Variants in DHX9 observed in about 807,000 individuals in gnomAD.
DHX9 encodes the protein DExH-box helicase 9.
A neutral mutation model predicts 148.7 loss-of-function variants in DHX9; 27 were observed. The ratio of observed to expected loss-of-function variants is 0.18; its 90% confidence interval spans 0.13 to 0.25. DHX9 has a LOEUF of 0.25. Among genes scored for constraint, DHX9 ranks in the 10% least tolerant of loss-of-function variants. The pLI is 1.00. For synonymous variants in DHX9, 529 were observed against 516.6 expected, an observed-to-expected ratio of 1.02 and a Z score of -0.33; for missense variants, 796 against 1,559.6, an observed-to-expected ratio of 0.51 and a Z score of 8.25.
At chr1:182,869,703 G>A (rs569349719) in intron 14 of DHX9, among the ~76,000 whole-genome samples, 31 of 152,316 alleles carry the variant, frequency 2.0e-4, no homozygotes, top group Non-Finnish European at 3.8e-4. Context: ...CTCCGCCCCT[G>A]AGTTCAGGCG....
At chr1:182,861,699 A>C (rs946556014) in intron 12 of DHX9, among the ~76,000 whole-genome samples, 1 of 152,234 alleles carries the variant, frequency 6.6e-6, no homozygotes, top group Non-Finnish European at 1.5e-5. Context: ...GTCTTTTAAA[A>C]TGTTCAGTGG....
rs116476402 is a variant in DHX9 at position 182,887,029 on chromosome 1, G to A, written c.3462-54G>A. 1.2e-3 allele frequency: 1,883 copies of A among 1,526,916 alleles called. 15 individuals carry two copies. In the African/African-American group the frequency reaches 0.018, roughly 15 times the overall value. The allele number at this position is 1,526,916 out of a possible 1,614,324, so 94.6% of individuals were successfully genotyped here. ...ACTAAATGTGTACATTTGGTAAGTC[G>A]TTGGGAAATAATAAGAATGCTTTGC... On this transcript the variant is annotated intron_variant, in intron 27 of 27. Transcript: ENST00000367549.
At position 182,878,153 on chromosome 1, in the gene DHX9, C is replaced by T. The variant is rs755475120; in HGVS notation, c.2331C>T (p.Cys777=). The change falls in exon 20 of 28, where the codon TGC becomes TGT. Residue 777 remains cysteine (C), a synonymous_variant. Coordinates refer to ENST00000367549, the MANE Select transcript of DHX9 (RefSeq NM_001357.5). The part of the protein sequence containing the change: ...RVRPGFCFHL[C]SRARFERLET... The stretch of plus-strand genomic sequence containing the variant: ...GGCCTGGATTCTGCTTTCACCTGTG[C>T]AGCCGAGCTCGTTTTGAGAGGTAAG... The T allele has an allele frequency of 3.1e-6, 5 of 1,614,178 alleles. No homozygotes were observed. Among genetic ancestry groups the T allele is most frequent in the Non-Finnish European group, 4.2e-6 (5 of 1,180,032 alleles).
At position 182,853,984 on chromosome 1, in the gene DHX9, T is replaced by G. The variant is rs1434751038; in HGVS notation, c.478-46T>G. The G allele has an allele frequency of 3.8e-6, 6 of 1,578,890 alleles. No individual in the cohort carries two copies. In the South Asian group the frequency reaches 4.5e-5, roughly 12 times the overall value. On this transcript the variant is annotated intron_variant, in intron 5 of 27. Transcript: ENST00000367549. Reference sequence around the variant, plus strand: ...TAAAAATTTCTGTGCCTTGTTTGTATACCTAAACTTAACACAGCCAAATTT... The same window carrying G: ...TAAAAATTTCTGTGCCTTGTTTGTAGACCTAAACTTAACACAGCCAAATTT...
chr1:182,884,596 G>A lies in DHX9; in HGVS notation c.3261-17G>A. 6.2e-7 allele frequency: 1 copy of A among 1,611,236 alleles called. No individual in the cohort carries two copies. The highest frequency in any genetic ancestry group is 8.5e-7 in the Non-Finnish European group (1 of 1,178,192). ...ATATACTCCCTCTCTTATTTTTAAT[G>A]TATTTCGCCACTTTAGGATTAAACT... is the stretch of plus-strand genomic sequence containing the variant. On this transcript the variant is annotated splice_polypyrimidine_tract_variant and intron_variant, in intron 26 of 27. Transcript: ENST00000367549.
At chr1:182,851,160 A>G (rs534573436) in intron 3 of DHX9, among the ~76,000 whole-genome samples, 1 of 152,346 alleles carries the variant, frequency 6.6e-6, no homozygotes, top group South Asian at 2.1e-4. Flanking sequence ...ACTATCCTTC[A>G]AGGTATAAGC....
chr1:182,872,361 C>T lies in DHX9; in HGVS notation c.1582C>T (p.Arg528Cys), dbSNP rs754675901. The T allele has an allele frequency of 2.5e-6, 4 of 1,612,504 alleles. No homozygotes were observed. Among genetic ancestry groups the T allele is most frequent in the East Asian group, 2.2e-5 (1 of 44,828 alleles). Residue 528 changes from arginine to cysteine, a missense_variant, in exon 15 of 28, where the codon CGT (arginine) becomes TGT (cysteine). Physicochemically the swap from Arg to Cys is radical, Grantham distance 180. Transcript: ENST00000367549. Reference sequence around the variant, plus strand: ...GACTGACTTCCTTTTGGTAGTACTGCGTGATGTTGTTCAGGCTTATCCTGA... The same window carrying T: ...GACTGACTTCCTTTTGGTAGTACTGTGTGATGTTGTTCAGGCTTATCCTGA... ...INTDFLLVVLRDVVQAYPEVR... is the reference protein window; with the variant it reads ...INTDFLLVVLCDVVQAYPEVR...
chr1:182,886,196 T>C (rs538917695), intron 27 of DHX9, among the ~76,000 whole-genome samples: 50 of 151,804 alleles, frequency 3.3e-4, no homozygotes, highest in Non-Finnish European at 4.6e-4. Flanking sequence ...TTTATTTATT[T>C]ATTTATTTAT....
chr1:182,872,592 A>ATTG, intron 15 of DHX9, 99 bp downstream of exon 15: 1 of 1,288,700 alleles, frequency 7.8e-7, no homozygotes, highest in Non-Finnish European at 1.1e-6. Flanking sequence ...AATACTTAAA[A>ATTG]TACAGGACAA....
chr1:182,866,032 G>C (rs1648279644), intron 12 of DHX9, among the ~76,000 whole-genome samples: 1 of 152,200 alleles, frequency 6.6e-6, no homozygotes, highest in African/African-American at 2.4e-5. Flanking sequence ...GAATTAATAA[G>C]TGAGCAGAAA....
At position 182,876,442 on chromosome 1, in the gene DHX9, T is replaced by C. The variant is rs369948914; in HGVS notation, c.2030-5T>C. On this transcript the variant is annotated splice_polypyrimidine_tract_variant and splice_region_variant and intron_variant, in intron 17 of 27. Coordinates refer to ENST00000367549, the MANE Select transcript of DHX9 (RefSeq NM_001357.5). ...AGTCCCTGATTGTTCTTTATTGTTA[T>C]ATAGGAAGCCATCGGTATCAGATTC... 10 of 1,612,524 alleles carry C rather than the reference T, an allele frequency of 6.2e-6. No homozygotes were observed. Among genetic ancestry groups the C allele is most frequent in the Admixed American group, 3.3e-5 (2 of 59,988 alleles).
chr1:182,843,541 G>A (rs781615389), intron 3 of DHX9, 107 bp downstream of exon 3: 5 of 1,156,608 alleles, frequency 4.3e-6, no homozygotes, highest in South Asian at 2.1e-5. Flanking sequence ...CAGATATATC[G>A]TGTTTCGTAA....
rs1291749585 is a variant in DHX9 at position 182,873,842 on chromosome 1, T to A, written c.1715-1012T>A. Reference sequence around the variant, plus strand: ...CCTGGAGAAATGGCTGCTTCTAGGATGAAACAATATACAAAAATGAGCCTG... The same window carrying A: ...CCTGGAGAAATGGCTGCTTCTAGGAAGAAACAATATACAAAAATGAGCCTG... On this transcript the variant is annotated intron_variant, in intron 15 of 27. Coordinates refer to ENST00000367549, the MANE Select transcript of DHX9 (RefSeq NM_001357.5). Among the ~76,000 whole-genome samples the A allele has an allele frequency of 2.6e-5, 4 of 152,194 alleles. No homozygotes were observed. The South Asian group carries it at 6.2e-4, about 24-fold the overall frequency.
At chr1:182,851,331 A>C (rs1668145635) in intron 3 of DHX9, among the ~76,000 whole-genome samples, 1 of 152,214 alleles carries the variant, frequency 6.6e-6, no homozygotes, top group African/African-American at 2.4e-5. Context: ...ATTTAGATCT[A>C]AGTGAAAATT....
Position 182,887,377 on chromosome 1 carries a change from TA to T in DHX9, c.3757del (p.Arg1253GlyfsTer65). The T allele has an allele frequency of 1.2e-6, 2 of 1,613,706 alleles. No individual in the cohort carries two copies. The highest frequency in any genetic ancestry group is 1.7e-6 in the Non-Finnish European group (2 of 1,179,880). ...GSGGFQRGGG[R>X]GAYGTGYFGQ... Reference sequence around the variant, plus strand: ...CTGGGGGATTCCAGCGAGGAGGTGGTAGGGGGGCCTATGGAACTGGCTACTT... The same window carrying T: ...CTGGGGGATTCCAGCGAGGAGGTGGTGGGGGGCCTATGGAACTGGCTACTT... On this transcript the variant is annotated frameshift_variant, in exon 28 of 28. Coordinates refer to ENST00000367549, the MANE Select transcript of DHX9 (RefSeq NM_001357.5). LOFTEE classifies it high-confidence loss of function.
rs771887201 is a variant in DHX9, at chr1:182,880,485, A to G, written c.2513-12A>G. 8.3e-6 allele frequency: 13 copies of G among 1,569,422 alleles called. No homozygotes were observed. The highest frequency in any genetic ancestry group is 4.5e-5 in the South Asian group (4 of 89,168). ...CATTTGTTTCTGCTCACAAAGAACT[A>G]TCTCCCCACAGAGCTTGATGCATTA... On this transcript the variant is annotated splice_polypyrimidine_tract_variant and intron_variant, in intron 21 of 27. Coordinates refer to ENST00000367549, the MANE Select transcript of DHX9 (RefSeq NM_001357.5).
In DHX9 at chr1:182,878,252, C is replaced by T. The variant is rs116606112; in HGVS notation, c.2351+79C>T. On this transcript the variant is annotated intron_variant, in intron 20 of 27. Transcript: ENST00000367549. ...GACAGATGTGTGCAGTTATGTAAAC[C>T]TGCCAATATAAGCTGATCTAAGTCT... 1,368 of 1,492,844 alleles carry T rather than the reference C, an allele frequency of 9.2e-4. 9 individuals are homozygous for T. In the African/African-American group the frequency reaches 0.017, roughly 18 times the overall value. The allele number at this position is 1,492,844 out of a possible 1,614,324, so 92.5% of individuals were successfully genotyped here. A position where few individuals can be genotyped will look rare whatever the true frequency, so the allele number is the denominator to read the frequency against.
chr1:182,867,812 C>G (rs768051293), intron 14 of DHX9, among the ~76,000 whole-genome samples: 3 of 152,040 alleles, frequency 2.0e-5, no homozygotes, highest in Non-Finnish European at 4.4e-5. Flanking sequence ...TATTTCCAAC[C>G]CCTCCCTCTT....
At chr1:182,858,522 G>A (rs1381682603) in intron 8 of DHX9, 29 bp from the exon 9 acceptor site, 2 of 1,563,246 alleles carry the variant, frequency 1.3e-6, no homozygotes, top group South Asian at 2.3e-5. Context: ...TTTGAGTAGT[G>A]TTGTTAATGT....
Sources: allele counts gnomAD v4.1 joint callset (sites outside exome capture counted in the v4.1 genomes callset), GRCh38; gene constraint gnomAD v4.1.1; transcripts MANE v1.5; gene names NCBI Gene and HGNC (gene_info 2026-07-23, HGNC 2026-07-21).